The following CSMD3 variants were observed in gnomAD, a reference collection of about 807,000 sequenced individuals.
CSMD3 encodes CUB and sushi domain-containing protein 3.
A neutral mutation model predicts 435.2 loss-of-function variants in CSMD3; 177 were observed. That is an observed-to-expected ratio of 0.41 (90% CI 0.36 to 0.46). The LOEUF (loss-of-function observed/expected upper bound fraction) is 0.46, where lower values mean the gene tolerates loss of function less well. CSMD3 is among the 20% of genes least tolerant of loss of function. The pLI is 0.34. For missense variants in CSMD3, 4,265 were observed against 4,504.6 expected, an observed-to-expected ratio of 0.95 and a Z score of 1.52; for synonymous variants, 1,656 against 1,520.5, an observed-to-expected ratio of 1.09 and a Z score of -2.07.
intron 1 of CSMD3, among the ~76,000 whole-genome samples, chr8:113,335,337 A>T (rs1044951864): frequency 6.6e-6 from 1 of 152,174 alleles, no homozygotes; most frequent in South Asian, 2.1e-4. Context: ...ACAAACTAAT[A>T]CAATGGTAAT....
At chr8:112,269,235 C>T (rs1812102620) in intron 59 of CSMD3, among the ~76,000 whole-genome samples, 1 of 152,184 alleles carries the variant, frequency 6.6e-6, no homozygotes, top group African/African-American at 2.4e-5. Context: ...TCTTCCTGAT[C>T]TGTCCTCTGT....
At chr8:112,360,561 G>C (rs1827091948) in intron 38 of CSMD3, among the ~76,000 whole-genome samples, 1 of 148,940 alleles carries the variant, frequency 6.7e-6, no homozygotes, top group Non-Finnish European at 1.5e-5. Flanking sequence ...GCCAAATGGT[G>C]GTTGTAATTC....
intron 4 of CSMD3, among the ~76,000 whole-genome samples, chr8:113,105,062 G>T (rs1160628381): frequency 6.6e-6 from 1 of 151,568 alleles, no homozygotes; most frequent in Admixed American, 6.6e-5. Flanking sequence ...CAAAAATATA[G>T]GCATTCATTC....
chr8:113,247,880 TAAAACAGATAAC>T (rs2093292122), intron 3 of CSMD3, among the ~76,000 whole-genome samples: 1 of 152,066 alleles, frequency 6.6e-6, no homozygotes, highest in Non-Finnish European at 1.5e-5. Context: ...TGACATATAA[TAAAACAGATAAC>T]AAAATTTCTA....
intron 31 of CSMD3, among the ~76,000 whole-genome samples, chr8:112,492,039 A>G (rs1282898393): frequency 6.6e-6 from 1 of 152,192 alleles, no homozygotes; most frequent in Non-Finnish European, 1.5e-5. Flanking sequence ...GAAGAAATAC[A>G]TATTCTTCTT....
intron 3 of CSMD3, among the ~76,000 whole-genome samples, chr8:113,244,317 T>G (rs1336967384): frequency 6.6e-6 from 1 of 152,166 alleles, no homozygotes; most frequent in African/African-American, 2.4e-5. Flanking sequence ...GTTTACATTT[T>G]TTGTTTTGTT....
rs3047119 is a variant in CSMD3, at chr8:112,791,319, GAAA to G, written c.1972+8840_1972+8842del. The stretch of plus-strand genomic sequence containing the variant: ...CCTGGGTGACAGAGGCATATCCTGT[GAAA>G]AAAAAAAAAAAAAAAAAAGGAACTA... On this transcript the variant is annotated intron_variant, in intron 13 of 70. Coordinates refer to ENST00000297405, the MANE Select transcript of CSMD3 (RefSeq NM_198123.2). Among the ~76,000 whole-genome samples the G allele has an allele frequency of 4.1e-3, 418 of 103,146 alleles. 1 individual carries two copies. Among genetic ancestry groups the G allele is most frequent in the Middle Eastern group, 0.028 (6 of 214 alleles). 67.7% of individuals were successfully genotyped at this position (103,146 alleles called of 152,430 possible). A position where few individuals can be genotyped will look rare whatever the true frequency, so the allele number is the denominator to read the frequency against.
chr8:113,392,949 A>ATG (rs1199068062), intron 1 of CSMD3, among the ~76,000 whole-genome samples: 3 of 63,980 alleles, frequency 4.7e-5, no homozygotes, highest in Admixed American at 1.9e-4. Context: ...GTGTCTATAT[A>ATG]TATATATATG....
intron 30 of CSMD3, 88 bp downstream of exon 30, chr8:112,503,702 C>A: frequency 1.2e-6 from 1 of 862,844 alleles, no homozygotes; most frequent in Non-Finnish European, 1.8e-6. Flanking sequence ...TAAAACTAAC[C>A]ACTAACAATG....
intron 1 of CSMD3, among the ~76,000 whole-genome samples, chr8:113,388,931 C>T (rs1193549258): frequency 3.3e-5 from 5 of 151,458 alleles, no homozygotes; most frequent in African/African-American, 9.7e-5. Flanking sequence ...AGTGTAAGAG[C>T]GCTGGAAGTT....
chr8:113,263,190 C>CA (rs1278489977), intron 3 of CSMD3, among the ~76,000 whole-genome samples: 3 of 151,718 alleles, frequency 2.0e-5, no homozygotes, highest in Non-Finnish European at 2.9e-5. Flanking sequence ...ACTGAAAGCA[C>CA]AGTGAAAGAA....
intron 11 of CSMD3, among the ~76,000 whole-genome samples, chr8:112,852,891 C>T (rs1449604465): frequency 6.7e-6 from 1 of 150,338 alleles, no homozygotes; most frequent in African/African-American, 2.5e-5. Flanking sequence ...CACTGTACTC[C>T]AGCCTGGGTG....
chr8:112,785,429 G>A (rs910828386), intron 13 of CSMD3, among the ~76,000 whole-genome samples: 4 of 151,942 alleles, frequency 2.6e-5, no homozygotes, highest in Non-Finnish European at 4.4e-5. Context: ...ACAAGGGAAA[G>A]AAATAAAGGG....
intron 70 of CSMD3, among the ~76,000 whole-genome samples, chr8:112,225,189 T>C (rs1812456463): frequency 6.6e-6 from 1 of 152,094 alleles, no homozygotes; most frequent in Non-Finnish European, 1.5e-5. Context: ...ATGATGGCTA[T>C]AATAAATTTT....
intron 3 of CSMD3, among the ~76,000 whole-genome samples, chr8:113,176,989 A>G: frequency 6.6e-6 from 1 of 151,896 alleles, no homozygotes; most frequent in South Asian, 2.1e-4. Flanking sequence ...TATTAAATAT[A>G]TGTTGTAAGT....
At chr8:112,269,583 G>A (rs895277561) in intron 59 of CSMD3, among the ~76,000 whole-genome samples, 1 of 152,174 alleles carries the variant, frequency 6.6e-6, no homozygotes, top group Non-Finnish European at 1.5e-5. Flanking sequence ...TATGCACTCT[G>A]TGTATGATGG....
intron 5 of CSMD3, among the ~76,000 whole-genome samples, chr8:113,053,733 A>AGTGTGT (rs993289668): frequency 6.6e-6 from 1 of 152,130 alleles, no homozygotes; most frequent in Admixed American, 6.5e-5. Context: ...TTTATACATC[A>AGTGTGT]GTGTGTGTAG....
chr8:112,711,170 CTTAA>C (rs2076602489), intron 13 of CSMD3, among the ~76,000 whole-genome samples: 1 of 151,974 alleles, frequency 6.6e-6, no homozygotes, highest in Non-Finnish European at 1.5e-5. Context: ...AATAGATCAT[CTTAA>C]TTAAGTAAAA....
At chr8:113,211,252 G>A (rs141801508) in intron 3 of CSMD3, among the ~76,000 whole-genome samples, 1 of 152,234 alleles carries the variant, frequency 6.6e-6, no homozygotes, top group East Asian at 1.9e-4. Flanking sequence ...AGTGTGTGTA[G>A]TAGAGGTTCC....
Sources: gnomAD v4.1 joint callset for allele counts (sites outside exome capture counted in the v4.1 genomes callset) on GRCh38, gnomAD v4.1.1 for gene constraint, MANE v1.5 for transcripts, NCBI Gene and HGNC (gene_info 2026-07-23, HGNC 2026-07-21) for gene names.